Variants in USH2A observed in about 807,000 individuals in gnomAD.
USH2A encodes the protein Usher syndrome 2A (autosomal recessive, mild).
Under a neutral mutation model 538.9 loss-of-function variants are expected in USH2A, and 443 were observed. The ratio of observed to expected loss-of-function variants is 0.82; its 90% CI spans 0.76 to 0.89. The LOEUF (loss-of-function observed/expected upper bound fraction) is 0.89, where lower values mean the gene tolerates loss of function less well. USH2A is among the 40% of genes least tolerant of loss of function. The pLI is 0.00. For synonymous variants in USH2A, 2,413 were observed against 2,273.5 expected, an observed-to-expected ratio of 1.06 and a Z score of -1.75; for missense variants, 6,633 against 6,324.8, an observed-to-expected ratio of 1.05 and a Z score of -1.65.
intron 9 of USH2A, among the ~76,000 whole-genome samples, chr1:216,306,453 CTTTGGT>C (rs1005705039): frequency 6.6e-6 from 1 of 152,018 alleles, no homozygotes; most frequent in African/African-American, 2.4e-5. Flanking sequence ...TCATATTCAC[CTTTGGT>C]GCCTCCTTCA....
intron 4 of USH2A, among the ~76,000 whole-genome samples, chr1:216,344,599 CT>C (rs1329444262): frequency 6.6e-6 from 1 of 151,962 alleles, no homozygotes; most frequent in Non-Finnish European, 1.5e-5. Context: ...GGAGACTCCC[CT>C]GACCCAAAGG....
chr1:216,129,372 G>A (rs1025638181), intron 21 of USH2A, among the ~76,000 whole-genome samples: 8 of 152,000 alleles, frequency 5.3e-5, no homozygotes, highest in Non-Finnish European at 1.2e-4. Flanking sequence ...CCCACCAACA[G>A]TGTAGAAGAG....
In USH2A at chr1:216,100,868, ATTAT is replaced by A. The variant is rs1287151155; in HGVS notation, c.4628-3659_4628-3656del. On this transcript the variant is annotated intron_variant, in intron 21 of 71. Coordinates refer to ENST00000307340, the MANE Select transcript of USH2A (RefSeq NM_206933.4). ...AAGTTCGTGTGTTTTTCTAAAATAT[ATTAT>A]TTAATTTTCAAGTTTTATGCTTATA... 5.3e-5 allele frequency among the ~76,000 whole-genome samples: 8 copies of A among 152,348 alleles called. No homozygotes were observed. The East Asian group carries it at 9.6e-4, about 18-fold the overall frequency.
rs1665116999 is a variant in USH2A at position 215,888,326 on chromosome 1, A to T, written c.8223+100T>A. Reference sequence around the variant, plus strand: ...TTCTCCAGTGAATGCCTAAAACAACAAATGCGTTTGTTTAGTCAGTAGATG... The same window carrying T: ...TTCTCCAGTGAATGCCTAAAACAACTAATGCGTTTGTTTAGTCAGTAGATG... On this transcript the variant is annotated intron_variant, in intron 41 of 71. Coordinates refer to ENST00000307340, the MANE Select transcript of USH2A (RefSeq NM_206933.4). 4 of 1,572,354 alleles carry T rather than the reference A, an allele frequency of 2.5e-6. No homozygotes were observed. In the South Asian group the frequency reaches 4.5e-5, roughly 18 times the overall value.
intron 36 of USH2A, among the ~76,000 whole-genome samples, chr1:215,969,989 T>C (rs1463574796): frequency 6.6e-6 from 1 of 152,198 alleles, no homozygotes; most frequent in African/African-American, 2.4e-5. Flanking sequence ...AATTAAGTGC[T>C]ATTAATTGGG....
At chr1:215,758,468 G>A (rs1660877529) in intron 58 of USH2A, 127 bp downstream of exon 58, 4 of 1,186,564 alleles carry the variant, frequency 3.4e-6, no homozygotes, top group Non-Finnish European at 2.4e-6. Context: ...AGATTTTTCT[G>A]TTCATATTTA....
intron 42 of USH2A, 68 bp from the exon 43 acceptor site, chr1:215,877,948 C>T: frequency 1.2e-6 from 2 of 1,605,998 alleles, no homozygotes; most frequent in Non-Finnish European, 1.7e-6. Context: ...AAAACTCAGG[C>T]TGTTCTGTGG....
At chr1:215,736,539 T>A (rs1347018923) in intron 60 of USH2A, among the ~76,000 whole-genome samples, 1 of 152,034 alleles carries the variant, frequency 6.6e-6, no homozygotes, top group African/African-American at 2.4e-5. Flanking sequence ...ATTAATTCCA[T>A]ATTTAGAAAT....
chr1:216,378,345 G>C (rs1045092860), intron 3 of USH2A, among the ~76,000 whole-genome samples: 1 of 152,062 alleles, frequency 6.6e-6, no homozygotes, highest in Non-Finnish European at 1.5e-5. Context: ...TTACAGCAAT[G>C]GACATTTCTA....
chr1:216,161,792 C>G (rs2034065038), intron 21 of USH2A, among the ~76,000 whole-genome samples: 1 of 151,872 alleles, frequency 6.6e-6, no homozygotes, highest in Non-Finnish European at 1.5e-5. Flanking sequence ...GAAATCTTGA[C>G]TGGTAGTTTT....
chr1:216,240,013 C>CAAAAAAA (rs55691066), intron 13 of USH2A, among the ~76,000 whole-genome samples: 16 of 112,278 alleles, frequency 1.4e-4, no homozygotes, highest in East Asian at 2.7e-4. Flanking sequence ...ATGAAATAAA[C>CAAAAAAA]AAAAAAAAAA....
chr1:216,370,929 T>C (rs2038702091), intron 3 of USH2A, among the ~76,000 whole-genome samples: 1 of 152,070 alleles, frequency 6.6e-6, no homozygotes, highest in Admixed American at 6.5e-5. Flanking sequence ...ACCACTTACT[T>C]ACTACATGCC....
intron 39 of USH2A, 82 bp downstream of exon 39, chr1:215,900,673 A>G (rs556219678): frequency 3.1e-6 from 5 of 1,591,024 alleles, no homozygotes; most frequent in South Asian, 2.2e-5. Flanking sequence ...TTTTTTGCAA[A>G]TGAGAACTGA....
intron 40 of USH2A, 30 bp downstream of exon 40, chr1:215,900,045 A>G: frequency 6.2e-7 from 1 of 1,613,356 alleles, no homozygotes; most frequent in East Asian, 2.2e-5. Context: ...TGTAGAAGAC[A>G]TTTGGCTGTG....
intron 35 of USH2A, among the ~76,000 whole-genome samples, chr1:215,991,745 G>A (rs546647355): frequency 6.6e-6 from 1 of 152,216 alleles, no homozygotes; most frequent in Non-Finnish European, 1.5e-5. Flanking sequence ...AAGATTCTGA[G>A]AGCAATTGTA....
At chr1:216,276,761 G>T (rs1033345026) in intron 11 of USH2A, among the ~76,000 whole-genome samples, 7 of 151,994 alleles carry the variant, frequency 4.6e-5, no homozygotes, top group African/African-American at 1.7e-4. Flanking sequence ...AGCTTGTGCA[G>T]GTAAACTCCC....
chr1:215,629,841 TCTCGG>T (rs2102626297), intron 70 of USH2A, among the ~76,000 whole-genome samples: 1 of 145,238 alleles, frequency 6.9e-6, no homozygotes, highest in South Asian at 2.3e-4. Context: ...AGTGGTGCAA[TCTCGG>T]CTCACTGCAA....
intron 33 of USH2A, among the ~76,000 whole-genome samples, chr1:215,999,277 G>A (rs1668210912): frequency 6.6e-6 from 1 of 152,186 alleles, no homozygotes; most frequent in African/African-American, 2.4e-5. Context: ...CTGGTTACCT[G>A]TAATTTTAAT....
chr1:215,781,933 T>C (rs769860788), intron 54 of USH2A, 109 bp downstream of exon 54: 10 of 1,477,112 alleles, frequency 6.8e-6, no homozygotes, highest in Non-Finnish European at 9.4e-6. Flanking sequence ...TAACACCACT[T>C]TGAGGAGGGA....
Sources: gnomAD v4.1 joint callset for allele counts (sites outside exome capture counted in the v4.1 genomes callset) on GRCh38, gnomAD v4.1.1 for gene constraint, MANE v1.5 for transcripts, NCBI Gene and HGNC (gene_info 2026-07-23, HGNC 2026-07-21) for gene names.